Variants in STS observed in about 807,000 individuals in gnomAD.
The protein encoded by STS is steroid sulfatase.
Under a neutral mutation model 26.8 loss-of-function variants are expected in STS, and 7 were observed. That is an observed-to-expected ratio of 0.26 (90% CI 0.15 to 0.49). The LOEUF (loss-of-function observed/expected upper bound fraction) is 0.49, where lower values mean the gene tolerates loss of function less well. Among genes scored for constraint, STS ranks in the 20% least tolerant of loss-of-function variants. The pLI is 0.98. For missense variants in STS, 434 were observed against 465.6 expected (o/e 0.93, Z 0.63); for synonymous variants, 199 against 189.4 (o/e 1.05, Z -0.42).
At chrX:7,297,674 G>A (rs757562980) in intron 7 of STS, among the ~76,000 whole-genome samples, 1 of 111,612 alleles carries the variant, frequency 9.0e-6, no homozygotes, top group Non-Finnish European at 1.9e-5. Flanking sequence ...CATTGGGTAC[G>A]TCCACCCATC....
intron 6 of STS, among the ~76,000 whole-genome samples, chrX:7,274,358 C>T: frequency 9.0e-6 from 1 of 111,397 alleles, no homozygotes; most frequent in Non-Finnish European, 1.9e-5. Context: ...TCTCAGAGCT[C>T]TCACCAACCC....
intron 1 of STS, among the ~76,000 whole-genome samples, chrX:7,161,510 A>G (rs1039898051): frequency 3.6e-5 from 4 of 112,164 alleles, no homozygotes; most frequent in African/African-American, 9.7e-5. Context: ...GTAATTATGA[A>G]CCAACCAAAT....
chrX:7,275,828 T>C, intron 6 of STS, 123 bp from the exon 7 acceptor site: 2 of 841,570 alleles, frequency 2.4e-6, no homozygotes, highest in Non-Finnish European at 3.3e-6. Flanking sequence ...TAACTTGTAA[T>C]ATTTTGTGAA....
At chrX:7,338,437 G>A (rs915885381) in intron 10 of STS, among the ~76,000 whole-genome samples, 4 of 112,094 alleles carry the variant, frequency 3.6e-5, no homozygotes, top group African/African-American at 9.7e-5. Flanking sequence ...AGCTTAAAGC[G>A]TTTTGTACAG....
chrX:7,165,961 A>G (rs1371929643), intron 1 of STS, among the ~76,000 whole-genome samples: 1 of 108,856 alleles, frequency 9.2e-6, no homozygotes. Context: ...GTGGTGCCTC[A>G]TATTTTACAG....
chrX:7,281,061 G>C (rs761750848), intron 7 of STS, among the ~76,000 whole-genome samples: 4 of 111,058 alleles, frequency 3.6e-5, no homozygotes, highest in Non-Finnish European at 7.5e-5. Context: ...AGCTACTTGG[G>C]AGGCTGAGAT....
intron 2 of STS, among the ~76,000 whole-genome samples, chrX:7,215,941 A>G (rs1388866703): frequency 8.9e-6 from 1 of 111,885 alleles, no homozygotes; most frequent in Non-Finnish European, 1.9e-5. Flanking sequence ...TGCTGGGACC[A>G]TGTGACCAAT....
chrX:7,342,778 G>A (rs1196208522), intron 10 of STS, among the ~76,000 whole-genome samples: 2 of 112,425 alleles, frequency 1.8e-5, no homozygotes, highest in Non-Finnish European at 3.8e-5. Context: ...TGGTGAGTGT[G>A]CATGTATTAA....
intron 1 of STS, among the ~76,000 whole-genome samples, chrX:7,160,884 A>G (rs1378149422): frequency 1.8e-5 from 2 of 112,227 alleles, no homozygotes; most frequent in Admixed American, 1.9e-4. Context: ...ATACATGCCT[A>G]CTTCTAGAGG....
chrX:7,210,245 T>C (rs1443631838), intron 2 of STS, among the ~76,000 whole-genome samples: 1 of 111,057 alleles, frequency 9.0e-6, no homozygotes, highest in Non-Finnish European at 1.9e-5. Context: ...CCACCAACAG[T>C]GTAAAAGTGT....
At chrX:7,279,637 T>C (rs1387943690) in intron 7 of STS, among the ~76,000 whole-genome samples, 1 of 109,321 alleles carries the variant, frequency 9.1e-6, no homozygotes, top group African/African-American at 3.3e-5. Flanking sequence ...ATCTTGGTCT[T>C]CTTTTCTGCA....
intron 8 of STS, among the ~76,000 whole-genome samples, chrX:7,312,936 C>T (rs1926551892): frequency 8.9e-6 from 1 of 112,261 alleles, no homozygotes; most frequent in African/African-American, 3.2e-5. Context: ...ACCAGAATAA[C>T]TTCCTTAAGA....
At chrX:7,336,950 T>C (rs1928061696) in intron 10 of STS, among the ~76,000 whole-genome samples, 2 of 111,654 alleles carry the variant, frequency 1.8e-5, no homozygotes, top group South Asian at 3.8e-4. Flanking sequence ...ACCCAGTTTC[T>C]GATAGGCAAC....
At chrX:7,328,947 C>G (rs373496979) in intron 9 of STS, among the ~76,000 whole-genome samples, 2 of 111,566 alleles carry the variant, frequency 1.8e-5, no homozygotes, top group South Asian at 3.8e-4. Context: ...CCACCCACCT[C>G]GGCCTCCCAG....
intron 7 of STS, among the ~76,000 whole-genome samples, chrX:7,302,008 A>G (rs990903414): frequency 7.1e-5 from 8 of 112,256 alleles, no homozygotes; most frequent in South Asian, 7.4e-4. Flanking sequence ...ATAAATAGAC[A>G]TGGTATAAAT....
At chrX:7,204,144 T>G (rs1934134819) in intron 2 of STS, among the ~76,000 whole-genome samples, 1 of 111,671 alleles carries the variant, frequency 9.0e-6, no homozygotes, top group Non-Finnish European at 1.9e-5. Context: ...TTCTGCCTTT[T>G]ACACCCTAAA....
intron 2 of STS, among the ~76,000 whole-genome samples, chrX:7,210,813 G>A (rs1921008133): frequency 9.1e-6 from 1 of 109,533 alleles, no homozygotes. Flanking sequence ...CTCTAGCTTT[G>A]GATAGAAAAG....
intron 1 of STS, among the ~76,000 whole-genome samples, chrX:7,157,357 C>G (rs183982645): frequency 9.0e-6 from 1 of 111,388 alleles, no homozygotes; most frequent in African/African-American, 3.3e-5. Flanking sequence ...CACCAACAGT[C>G]TCTCTTATGG....
intron 2 of STS, among the ~76,000 whole-genome samples, chrX:7,240,761 G>A (rs1444385865): frequency 1.3e-4 from 14 of 108,337 alleles, no homozygotes; most frequent in African/African-American, 4.7e-4. Context: ...AATCGGCTCA[G>A]TTCTCTCCAG....
Sources: gnomAD v4.1 joint callset for allele counts (sites outside exome capture counted in the v4.1 genomes callset) on GRCh38, gnomAD v4.1.1 for gene constraint, MANE v1.5 for transcripts, NCBI Gene and HGNC (gene_info 2026-07-23, HGNC 2026-07-21) for gene names.